The following RNF8 variants were observed in gnomAD, a reference collection of about 807,000 sequenced individuals.
The protein encoded by RNF8 is ring finger protein 8.
Under a neutral mutation model 59.3 loss-of-function variants are expected in RNF8, and 8 were observed. The observed-to-expected ratio is 0.13, with a 90% CI of 0.08 to 0.24. The LOEUF (loss-of-function observed/expected upper bound fraction) is 0.24. RNF8 is among the 10% of genes least tolerant of loss of function. The pLI is 1.00. For synonymous variants in RNF8, 162 were observed against 200.0 expected (o/e 0.81, Z 1.60); for missense variants, 406 against 572.6 (o/e 0.71, Z 2.97).
intron 6 of RNF8, among the ~76,000 whole-genome samples, chr6:37,379,078 G>A (rs529236197): frequency 7.9e-5 from 12 of 152,202 alleles, no homozygotes; most frequent in South Asian, 4.2e-4. Context: ...GTGCAGTGGC[G>A]CAATCTCGGC....
rs1031925254 is a variant in RNF8 at position 37,391,952 on chromosome 6, A to G, written c.*1194A>G. The G allele has an allele frequency of 6.6e-6, 1 of 152,272 alleles. No homozygotes were observed. The highest frequency in any genetic ancestry group is 1.5e-5 in the Non-Finnish European group (1 of 68,082). 9.4% of individuals were successfully genotyped at this position (152,272 alleles called of 1,614,324 possible). A position where few individuals can be genotyped will look rare whatever the true frequency, so the allele number is the denominator to read the frequency against. ...AGGCGTGAGCCACCACGCCCAGCCT[A>G]TACCCCATGTATTTTCATAAAGGGT... On this transcript the variant is annotated 3_prime_UTR_variant, in exon 8 of 8. Coordinates refer to ENST00000373479, the MANE Select transcript of RNF8 (RefSeq NM_003958.4).
chr6:37,359,804 T>C (rs1331718859), intron 1 of RNF8, among the ~76,000 whole-genome samples: 1 of 152,242 alleles, frequency 6.6e-6, no homozygotes, highest in East Asian at 1.9e-4. Flanking sequence ...GACTGTGTAA[T>C]AGAAATTAAG....
intron 1 of RNF8, among the ~76,000 whole-genome samples, chr6:37,358,542 G>A (rs1370782765): frequency 6.6e-6 from 1 of 152,064 alleles, no homozygotes; most frequent in Non-Finnish European, 1.5e-5. Context: ...TGGGGATGAG[G>A]GACAGAGATG....
At position 37,360,403 on chromosome 6, in the gene RNF8, C is replaced by T. The variant is rs1428798182; in HGVS notation, c.112-43C>T. The T allele has an allele frequency of 1.2e-6, 2 of 1,609,888 alleles. No homozygotes were observed. Among genetic ancestry groups the T allele is most frequent in the South Asian group, 1.1e-5 (1 of 90,890 alleles). ...ATTTGTAAAGGACCTCCCTTTTCAG[C>T]ACAATGACTGATGGTATTTCTTGCA... On this transcript the variant is annotated intron_variant, in intron 1 of 7. Coordinates refer to ENST00000373479, the MANE Select transcript of RNF8 (RefSeq NM_003958.4). The surrounding 1 kb of genome is among the most constrained non-coding windows in gnomAD (Gnocchi z 4.2).
chr6:37,354,086 C>T lies in RNF8; in HGVS notation c.-79C>T. On this transcript the variant is annotated 5_prime_UTR_variant, in exon 1 of 8. Transcript: ENST00000373479. ...TCTGTCTGTTATTTAGATATGGAAG[C>T]TGAGGGGATGCACAGAGGCAGCCAG... 5 of 1,149,318 alleles carry T rather than the reference C, an allele frequency of 4.4e-6. No homozygotes were observed. Among genetic ancestry groups the T allele is most frequent in the Non-Finnish European group, 6.4e-6 (5 of 781,940 alleles). The allele number at this position is 1,149,318 out of a possible 1,614,324, so 71.2% of individuals were successfully genotyped here. A position where few individuals can be genotyped will look rare whatever the true frequency, so the allele number is the denominator to read the frequency against.
intron 7 of RNF8, among the ~76,000 whole-genome samples, chr6:37,382,972 CAAAAAAAAAAAA>C (rs1236176308): frequency 3.4e-5 from 3 of 88,006 alleles, no homozygotes; most frequent in African/African-American, 1.3e-4. Flanking sequence ...GACTCTGTCT[CAAAAAAAAAAAA>C]AAAAGGAAAG....
Position 37,360,032 on chromosome 6 carries a change from G to T in RNF8, c.112-414G>T, listed in dbSNP as rs897303332. Among the ~76,000 whole-genome samples the T allele has an allele frequency of 7.2e-5, 11 of 152,192 alleles. No homozygotes were observed. Among genetic ancestry groups the T allele is most frequent in the Admixed American group, 6.5e-4 (10 of 15,286 alleles). On this transcript the variant is annotated intron_variant, in intron 1 of 7. Transcript: ENST00000373479. The surrounding 1 kb of genome is among the most constrained non-coding windows in gnomAD (Gnocchi z 4.2). ...CGATGGTGCCCAGGGCAAAGCCAGG[G>T]CCAATGGATGGAATTTACAAGGAGA...
chr6:37,368,971 A>C lies in RNF8; in HGVS notation c.728A>C (p.Gln243Pro). The change falls in exon 3 of 8, where the codon CAG (glutamine) becomes CCG (proline). Residue 243 changes from glutamine (Q) to proline (P), a missense_variant. Transcript: ENST00000373479. ...EQKASNSSAS[Q>P]RSLQMFKVTM... is the part of the protein sequence containing the mutation. Reference sequence around the variant, plus strand: ...AAAGCCTCAAACTCTTCAGCATCTCAGAGAAGCTTACAGATGTTTAAGGTG... The same window carrying C: ...AAAGCCTCAAACTCTTCAGCATCTCCGAGAAGCTTACAGATGTTTAAGGTG... 1.2e-6 allele frequency: 2 copies of C among 1,614,172 alleles called. No homozygotes were observed. The highest frequency in any genetic ancestry group is 1.7e-6 in the Non-Finnish European group (2 of 1,179,988).
rs1345477785 is a variant in RNF8, at chr6:37,391,040, T to C, written c.*282T>C. The C allele has an allele frequency of 1.8e-6, 1 of 566,512 alleles. No individual in the cohort carries two copies. The highest frequency in any genetic ancestry group is 3.1e-6 in the Non-Finnish European group (1 of 318,838). The allele number at this position is 566,512 out of a possible 1,614,324, so 35.1% of individuals were successfully genotyped here. A position where few individuals can be genotyped will look rare whatever the true frequency, so the allele number is the denominator to read the frequency against. On this transcript the variant is annotated 3_prime_UTR_variant, in exon 8 of 8. Coordinates refer to ENST00000373479, the MANE Select transcript of RNF8 (RefSeq NM_003958.4). ...TGTCGAAAGAGTTATTTGAGTTCTC[T>C]TCTGTTTTTTTTTAATTTGTTGTTG...
rs578150118 is a variant in RNF8, at chr6:37,372,114, A to C, written c.1038+540A>C. On this transcript the variant is annotated intron_variant, in intron 4 of 7. Coordinates refer to ENST00000373479, the MANE Select transcript of RNF8 (RefSeq NM_003958.4). ...TAAAAGATTGCCTGTAATTTATTTA[A>C]TTTAACCTGACTACTCTCATTTGAT... Among the ~76,000 whole-genome samples the C allele has an allele frequency of 3.9e-5, 6 of 152,356 alleles. No individual in the cohort carries two copies. The South Asian group carries it at 1.2e-3, about 32-fold the overall frequency.
chr6:37,372,181 G>A (rs1769836819), intron 4 of RNF8, among the ~76,000 whole-genome samples: 1 of 152,098 alleles, frequency 6.6e-6, no homozygotes, highest in African/African-American at 2.4e-5. Context: ...AACCTACTAT[G>A]TCTTCTACCT....
At chr6:37,382,166 A>G (rs1020598587) in intron 7 of RNF8, among the ~76,000 whole-genome samples, 1 of 152,192 alleles carries the variant, frequency 6.6e-6, no homozygotes, top group African/African-American at 2.4e-5. Context: ...TTACGGCACA[A>G]ACAGTCTGGC....
rs143380670 is a variant in RNF8, at chr6:37,392,015, G to T, written c.*1257G>T. The stretch of plus-strand genomic sequence containing the variant: ...ATTGCCAACTTTTTAAGGATGGTAG[G>T]GATTTTTTCTTTGTTGAATATACTG... On this transcript the variant is annotated 3_prime_UTR_variant, in exon 8 of 8. Transcript: ENST00000373479. The T allele has an allele frequency of 6.5e-6, 1 of 153,624 alleles. No homozygotes were observed. The highest frequency in any genetic ancestry group is 1.4e-5 in the Non-Finnish European group (1 of 69,112). The allele number at this position is 153,624 out of a possible 1,614,324, so 9.5% of individuals were successfully genotyped here.
In RNF8 at chr6:37,361,876, T is replaced by G. The variant is rs988836356; in HGVS notation, c.240+1302T>G. ...AGGATAAAAATTGGCACTGAGATTA[T>G]CTACTTTAACCCCTTATGTAGACAG... On this transcript the variant is annotated intron_variant, in intron 2 of 7. Coordinates refer to ENST00000373479, the MANE Select transcript of RNF8 (RefSeq NM_003958.4). Among the ~76,000 whole-genome samples, 4 of 152,226 alleles carry G rather than the reference T, an allele frequency of 2.6e-5. No homozygotes were observed. In the South Asian group the frequency reaches 8.3e-4, roughly 31 times the overall value.
chr6:37,386,283 A>T (rs104669), intron 7 of RNF8, among the ~76,000 whole-genome samples: 76,677 of 151,300 alleles, frequency 0.51, 21,885 homozygotes, highest in East Asian at 0.81. Context: ...ACCCAGGAAG[A>T]CCTAGAACCT....
intron 2 of RNF8, among the ~76,000 whole-genome samples, chr6:37,361,722 C>T (rs1487134283): frequency 6.6e-6 from 1 of 152,170 alleles, no homozygotes; most frequent in Non-Finnish European, 1.5e-5. Flanking sequence ...GTGCATAAAA[C>T]TGCTAGATTT....
rs145055031 is a variant in RNF8 at position 37,387,482 on chromosome 6, A to G, written c.1442-3260A>G. Among the ~76,000 whole-genome samples, 1,231 of 152,290 alleles carry G rather than the reference A, an allele frequency of 8.1e-3. 5 individuals are homozygous for G. The highest frequency in any genetic ancestry group is 0.013 in the Non-Finnish European group (893 of 68,014). Reference sequence around the variant, plus strand: ...CAGCCTCCCTAGTAGCTGGGGCTACAGGCGTGCGCCACCATGCCTGGCTAA... The same window carrying G: ...CAGCCTCCCTAGTAGCTGGGGCTACGGGCGTGCGCCACCATGCCTGGCTAA... On this transcript the variant is annotated intron_variant, in intron 7 of 7. Transcript: ENST00000373479.
At chr6:37,387,843 G>A (rs943424938) in intron 7 of RNF8, among the ~76,000 whole-genome samples, 2 of 152,230 alleles carry the variant, frequency 1.3e-5, no homozygotes, top group African/African-American at 4.8e-5. Flanking sequence ...AGGACATGGA[G>A]TGTATTTTAG....
At position 37,374,723 on chromosome 6, in the gene RNF8, G is replaced by T; in HGVS notation, c.1128+14G>T. The T allele has an allele frequency of 6.2e-7, 1 of 1,606,450 alleles. No individual in the cohort carries two copies. Among genetic ancestry groups the T allele is most frequent in the Non-Finnish European group, 8.5e-7 (1 of 1,173,218 alleles). ...GAGCAGACCAAGGTACTGGAAAGAA[G>T]ATGGAAGTTTAGAATTTGGTTAGTG... On this transcript the variant is annotated intron_variant, in intron 5 of 7. Transcript: ENST00000373479.
Sources: allele counts gnomAD v4.1 joint callset (sites outside exome capture counted in the v4.1 genomes callset), GRCh38; gene constraint gnomAD v4.1.1; non-coding constraint Gnocchi (gnomAD v3.1); transcripts MANE v1.5; gene names NCBI Gene and HGNC (gene_info 2026-07-23, HGNC 2026-07-21).